Variants in PANX1 observed in about 807,000 individuals in gnomAD.
The protein encoded by PANX1 is pannexin-1.
PANX1 carries 30 observed loss-of-function variants against 38.7 expected under a neutral mutation model. The observed-to-expected ratio is 0.78, with a 90% CI of 0.58 to 1.05. PANX1 has a LOEUF of 1.05. PANX1 is among the 50% of genes least tolerant of loss of function. The pLI, the probability that PANX1 is intolerant of heterozygous loss-of-function variation, is 0.00. For synonymous variants in PANX1, 230 were observed against 212.2 expected, an observed-to-expected ratio of 1.08 and a Z score of -0.73; for missense variants, 551 against 517.2, an observed-to-expected ratio of 1.07 and a Z score of -0.63.
chr11:94,140,457 C>T (rs1946748533), intron 1 of PANX1, among the ~76,000 whole-genome samples: 1 of 152,154 alleles, frequency 6.6e-6, no homozygotes, highest in Non-Finnish European at 1.5e-5. Context: ...TTGCAGTTTG[C>T]TCATTTATCT....
At chr11:94,165,241 T>G (rs1947089523) in intron 2 of PANX1, among the ~76,000 whole-genome samples, 1 of 151,986 alleles carries the variant, frequency 6.6e-6, no homozygotes, top group African/African-American at 2.4e-5. Context: ...TTTTGTTAGT[T>G]TCTCTTTTTT....
intron 1 of PANX1, among the ~76,000 whole-genome samples, chr11:94,142,959 A>G (rs548050618): frequency 6.7e-6 from 1 of 148,760 alleles, no homozygotes; most frequent in African/African-American, 2.6e-5. Context: ...GGTTCCTTGA[A>G]AAAGTGTTTG....
chr11:94,141,281 A>G (rs1485145802), intron 1 of PANX1, among the ~76,000 whole-genome samples: 9 of 152,186 alleles, frequency 5.9e-5, no homozygotes, highest in Non-Finnish European at 1.2e-4. Flanking sequence ...ACCCCGCCCT[A>G]CTTCTTTACC....
chr11:94,149,846 A>G (rs1042501824), intron 1 of PANX1, among the ~76,000 whole-genome samples: 8 of 152,176 alleles, frequency 5.3e-5, no homozygotes, highest in Admixed American at 2.0e-4. Context: ...AGTATTTATG[A>G]TAGTACTTTG....
At chr11:94,151,503 C>T (rs1056665564) in intron 1 of PANX1, among the ~76,000 whole-genome samples, 1 of 152,162 alleles carries the variant, frequency 6.6e-6, no homozygotes, top group African/African-American at 2.4e-5. Context: ...ACAGATATTC[C>T]CAAGCAAGCA....
intron 1 of PANX1, among the ~76,000 whole-genome samples, chr11:94,129,805 C>G (rs1044851466): frequency 1.3e-5 from 2 of 152,194 alleles, no homozygotes; most frequent in African/African-American, 2.4e-5. Context: ...CCAAGAATAG[C>G]TGTGTCCCCG....
At chr11:94,176,849 A>G (rs1371899558) in intron 2 of PANX1, among the ~76,000 whole-genome samples, 1 of 151,632 alleles carries the variant, frequency 6.6e-6, no homozygotes, top group Non-Finnish European at 1.5e-5. Flanking sequence ...CAGCTTTGTG[A>G]TCTGGGGCCA....
At chr11:94,168,547 A>G (rs1305814749) in intron 2 of PANX1, among the ~76,000 whole-genome samples, 14 of 151,318 alleles carry the variant, frequency 9.3e-5, no homozygotes, top group Admixed American at 9.2e-4. Flanking sequence ...ACAAAAAGCA[A>G]TACTCTTATG....
At chr11:94,178,140 T>A (rs1947256202) in intron 2 of PANX1, among the ~76,000 whole-genome samples, 1 of 152,164 alleles carries the variant, frequency 6.6e-6, no homozygotes, top group African/African-American at 2.4e-5. Flanking sequence ...ATGCAGTTGC[T>A]GATTACTTCA....
intron 1 of PANX1, among the ~76,000 whole-genome samples, chr11:94,143,818 G>A (rs1946793541): frequency 6.6e-6 from 1 of 151,192 alleles, no homozygotes; most frequent in South Asian, 2.1e-4. Context: ...ATGGGAACAC[G>A]GCTCACTGCA....
At chr11:94,171,977 A>G (rs979003298) in intron 2 of PANX1, among the ~76,000 whole-genome samples, 47 of 150,982 alleles carry the variant, frequency 3.1e-4, no homozygotes, top group Non-Finnish European at 6.6e-4. Flanking sequence ...TATTAGTAAG[A>G]TTTCTCTCTG....
chr11:94,155,671 T>G (rs1946941593), intron 2 of PANX1, among the ~76,000 whole-genome samples: 1 of 151,972 alleles, frequency 6.6e-6, no homozygotes, highest in South Asian at 2.1e-4. Context: ...AGAGGAGAGG[T>G]TGTTCATGCT....
At chr11:94,180,750 C>G (rs750048268) in intron 4 of PANX1, 40 bp from the exon 5 acceptor site, 1 of 1,090,876 alleles carries the variant, frequency 9.2e-7, no homozygotes, top group Non-Finnish European at 1.4e-6. Context: ...GTAATTCCTG[C>G]TATGTTTCTG....
intron 2 of PANX1, among the ~76,000 whole-genome samples, chr11:94,176,416 A>ATCT (rs1213835285): frequency 6.6e-6 from 1 of 151,720 alleles, no homozygotes; most frequent in Non-Finnish European, 1.5e-5. Flanking sequence ...TGGAACAGGA[A>ATCT]GAGGACAGTA....
At chr11:94,162,485 G>A (rs144829085) in intron 2 of PANX1, among the ~76,000 whole-genome samples, 5,287 of 152,290 alleles carry the variant, frequency 0.035, 310 homozygotes, top group African/African-American at 0.12. Flanking sequence ...CTAGCAATGA[G>A]CGAGGCTCCG....
At chr11:94,178,880 G>C (rs1947268696) in intron 3 of PANX1, among the ~76,000 whole-genome samples, 1 of 152,142 alleles carries the variant, frequency 6.6e-6, no homozygotes, top group African/African-American at 2.4e-5. Context: ...AGGGGTAACA[G>C]ATTGAGGTGC....
At chr11:94,179,100 C>T (rs1026080446) in intron 3 of PANX1, among the ~76,000 whole-genome samples, 91 of 152,172 alleles carry the variant, frequency 6.0e-4, no homozygotes, top group African/African-American at 2.1e-3. Flanking sequence ...TCTCACACAC[C>T]GTATTGAGTT....
intron 2 of PANX1, among the ~76,000 whole-genome samples, chr11:94,156,938 C>T (rs1383799526): frequency 2.0e-5 from 3 of 151,478 alleles, no homozygotes; most frequent in Admixed American, 1.3e-4. Flanking sequence ...CATGTGTTGT[C>T]GTTGTTCAAT....
At chr11:94,150,785 A>G (rs1482973225) in intron 1 of PANX1, among the ~76,000 whole-genome samples, 1 of 152,030 alleles carries the variant, frequency 6.6e-6, no homozygotes, top group Non-Finnish European at 1.5e-5. Flanking sequence ...CTGGGGATTG[A>G]TGTGTTTCTT....
Sources: allele counts gnomAD v4.1 joint callset (sites outside exome capture counted in the v4.1 genomes callset), GRCh38; gene constraint gnomAD v4.1.1; transcripts MANE v1.5; gene names NCBI Gene and HGNC (gene_info 2026-07-23, HGNC 2026-07-21).